Variants in USP31 observed in about 807,000 individuals in gnomAD.
USP31 encodes ubiquitin carboxyl-terminal hydrolase 31.
In USP31, 44 loss-of-function variants were observed where a neutral mutation model predicts 119.4. The ratio of observed to expected loss-of-function variants is 0.37; its 90% CI spans 0.29 to 0.47. The LOEUF (loss-of-function observed/expected upper bound fraction) is 0.47, where lower values mean the gene tolerates loss of function less well. USP31 is among the 20% of genes least tolerant of loss of function. The probability of loss-of-function intolerance (pLI) is 0.99; values close to 1 mark genes in which losing one functional copy is unlikely to be tolerated. For missense variants in USP31, 1,643 were observed against 1,730.2 expected (o/e 0.95, Z 0.89); for synonymous variants, 749 against 705.6 (o/e 1.06, Z -0.97).
At chr16:23,114,452 G>GAA (rs917531470) in intron 1 of USP31, among the ~76,000 whole-genome samples, 20 of 89,986 alleles carry the variant, frequency 2.2e-4, no homozygotes, top group African/African-American at 6.3e-4. Flanking sequence ...GAAAAAATAG[G>GAA]AAAAAAAAAA....
At chr16:23,085,083 A>C (rs1901049289) in intron 10 of USP31, 94 bp from the exon 11 acceptor site, 1 of 1,476,906 alleles carries the variant, frequency 6.8e-7, no homozygotes, top group East Asian at 2.3e-5. Flanking sequence ...ACAAACTCAT[A>C]ACCGAAGGAA....
chr16:23,107,956 T>C (rs1375538444), intron 2 of USP31, 90 bp downstream of exon 2: 5 of 1,426,502 alleles, frequency 3.5e-6, no homozygotes, highest in African/African-American at 2.9e-5. Flanking sequence ...GTCAATTTCA[T>C]TGTATTAACG....
intron 1 of USP31, among the ~76,000 whole-genome samples, chr16:23,134,648 A>G: frequency 6.6e-6 from 1 of 151,050 alleles, no homozygotes; most frequent in East Asian, 1.9e-4. Context: ...AGAGGTAAAT[A>G]TTTTAGAACA....
chr16:23,106,281 A>G lies in USP31; in HGVS notation c.885T>C (p.Cys295=), dbSNP rs1388940107. 1 of 1,614,114 alleles carries G rather than the reference A, an allele frequency of 6.2e-7. No individual in the cohort carries two copies. The highest frequency in any genetic ancestry group is 1.3e-5 in the African/African-American group (1 of 74,934). ...GATCAAAAGTGTTGCTCTGTTTCTG[A>G]CAATGAGGACACGTCAAAGAAGATC... ...QYRSSLTCPH[C]QKQSNTFDPF... Residue 295 remains cysteine, a synonymous_variant, in exon 4 of 16, where the codon TGT becomes TGC. Coordinates refer to ENST00000219689, the MANE Select transcript of USP31 (RefSeq NM_020718.4).
intron 6 of USP31, among the ~76,000 whole-genome samples, chr16:23,101,350 G>A (rs1240760415): frequency 6.6e-6 from 1 of 152,104 alleles, no homozygotes; most frequent in Admixed American, 6.5e-5. Flanking sequence ...AAAAATGCAG[G>A]AGCAACCAAT....
In USP31 at chr16:23,097,756, C is replaced by T. The variant is rs369532902; in HGVS notation, c.1234+4563G>A. On this transcript the variant is annotated intron_variant, in intron 6 of 15. Coordinates refer to ENST00000219689, the MANE Select transcript of USP31 (RefSeq NM_020718.4). ...TTATCTCAATAGATGCAGAAAAGGC[C>T]TTCAACAAAATTCAACAGCCCTTCA... is the stretch of plus-strand genomic sequence containing the variant. Among the ~76,000 whole-genome samples, 3 of 152,296 alleles carry T rather than the reference C, an allele frequency of 2.0e-5. No homozygotes were observed. The East Asian group carries it at 5.8e-4, about 29-fold the overall frequency.
intron 1 of USP31, among the ~76,000 whole-genome samples, chr16:23,124,007 AAAG>A (rs1902766164): frequency 6.6e-6 from 1 of 152,148 alleles, no homozygotes; most frequent in African/African-American, 2.4e-5. Flanking sequence ...TCAAAAAAAA[AAAG>A]AAGAAAAGTA....
In USP31 at chr16:23,074,885, A is replaced by C. The variant is rs370016227; in HGVS notation, c.2177-1005T>G. ...AAGTACATTATGATCACATTTTCTA[A>C]AAATATGCATTTATTTGGGGTGAGA... On this transcript the variant is annotated intron_variant, in intron 13 of 15. Coordinates refer to ENST00000219689, the MANE Select transcript of USP31 (RefSeq NM_020718.4). Among the ~76,000 whole-genome samples the C allele has an allele frequency of 7.2e-4, 110 of 152,354 alleles. 1 individual carries two copies. In the South Asian group the frequency reaches 0.022, roughly 30 times the overall value.
intron 1 of USP31, chr16:23,115,858 C>G (rs1902470268): frequency 1.1e-6 from 1 of 903,486 alleles, no homozygotes. Context: ...GAGTTGGAAA[C>G]ATGGGTCAGA....
chr16:23,102,458 C>A lies in USP31; in HGVS notation c.1095G>T (p.Val365=). ...ACCCATCATAGTACATTTCTGTTAA[C>A]ACAATCTAAAAATAGGAAAAATGTA... is the stretch of plus-strand genomic sequence containing the variant. ...METKIPTDQI[V]LTEMYYDGFH... Residue 365 remains valine, a synonymous_variant, in exon 6 of 16, where the codon GTG becomes GTT. Coordinates refer to ENST00000219689, the MANE Select transcript of USP31 (RefSeq NM_020718.4). 1 of 1,598,180 alleles carries A rather than the reference C, an allele frequency of 6.3e-7. No homozygotes were observed. The highest frequency in any genetic ancestry group is 2.3e-5 in the East Asian group (1 of 44,104).
intron 13 of USP31, among the ~76,000 whole-genome samples, chr16:23,076,509 C>G (rs771473280): frequency 1.3e-5 from 2 of 152,140 alleles, no homozygotes; most frequent in Non-Finnish European, 2.9e-5. Flanking sequence ...TCCTGGCTCA[C>G]TAACATGGTA....
intron 1 of USP31, among the ~76,000 whole-genome samples, chr16:23,115,012 C>G (rs1288766703): frequency 6.6e-6 from 1 of 150,646 alleles, no homozygotes; most frequent in East Asian, 1.9e-4. Flanking sequence ...ATCCTAAGCT[C>G]AAGCTCCGGC....
rs1265936794 is a variant in USP31, at chr16:23,067,950, A to G, written c.*96T>C. 6.8e-7 allele frequency: 1 copy of G among 1,481,022 alleles called. No individual in the cohort carries two copies. Among genetic ancestry groups the G allele is most frequent in the Non-Finnish European group, 9.0e-7 (1 of 1,113,066 alleles). 91.7% of individuals were successfully genotyped at this position (1,481,022 alleles called of 1,614,324 possible). ...ACACAGTCGGGCACGTGACTCAAAA[A>G]AGTACAAAACAAAAGCACAGGAGGC... On this transcript the variant is annotated 3_prime_UTR_variant, in exon 16 of 16. Transcript: ENST00000219689.
In USP31 at chr16:23,068,354, A is replaced by G. The variant is rs1900178188; in HGVS notation, c.3751T>C (p.Ser1251Pro). ...STDLGKTALL[S>P]KKAGGSSVKS... Reference sequence around the variant, plus strand: ...ACAGAGCTCCCACCAGCCTTTTTAGAGAGCAAGGCTGTCTTGCCAAGATCC... The same window carrying G: ...ACAGAGCTCCCACCAGCCTTTTTAGGGAGCAAGGCTGTCTTGCCAAGATCC... The change falls in exon 16 of 16, where the codon TCT becomes CCT. Residue 1251 changes from serine (S) to proline (P), a missense_variant. Physicochemically the swap from Ser to Pro is moderately conservative, Grantham distance 74. Around this residue, in one of 5 missense-constraint regions of USP31, gnomAD observed 699 missense variants for 650.9 expected, o/e 1.07. Coordinates refer to ENST00000219689, the MANE Select transcript of USP31 (RefSeq NM_020718.4). The G allele has an allele frequency of 1.2e-6, 2 of 1,614,064 alleles. No individual in the cohort carries two copies. Among genetic ancestry groups the G allele is most frequent in the East Asian group, 4.5e-5 (2 of 44,886 alleles).
intron 5 of USP31, among the ~76,000 whole-genome samples, chr16:23,104,979 A>C (rs17796975): frequency 0.052 from 7,897 of 152,280 alleles, 310 homozygotes; most frequent in Non-Finnish European, 0.072. Flanking sequence ...CGTAATGAGA[A>C]AACAAAACGT....
intron 1 of USP31, among the ~76,000 whole-genome samples, chr16:23,144,990 G>A (rs956619577): frequency 6.6e-6 from 1 of 152,004 alleles, no homozygotes; most frequent in African/African-American, 2.4e-5. Flanking sequence ...CATAGCTCAC[G>A]AAGCCCTTCA....
At chr16:23,101,254 A>C (rs1019179677) in intron 6 of USP31, among the ~76,000 whole-genome samples, 5 of 152,226 alleles carry the variant, frequency 3.3e-5, no homozygotes, top group African/African-American at 1.2e-4. Flanking sequence ...GTGTGTCAAC[A>C]GCTCTATGAG....
In USP31 at chr16:23,069,667, A is replaced by G. The variant is rs13337382; in HGVS notation, c.2489-51T>C. On this transcript the variant is annotated intron_variant, in intron 15 of 15. Coordinates refer to ENST00000219689, the MANE Select transcript of USP31 (RefSeq NM_020718.4). ...TAAGTTAAGCCAATGAAGACATTCT[A>G]ACAACACTGTAAGACACTGAAGGTG... The G allele has an allele frequency of 2.4e-3, 3,676 of 1,543,822 alleles. 44 individuals are homozygous for G. In the African/African-American group the frequency reaches 0.03, roughly 13 times the overall value.
intron 1 of USP31, among the ~76,000 whole-genome samples, chr16:23,148,115 G>A (rs1903580547): frequency 1.3e-5 from 2 of 152,070 alleles, no homozygotes; most frequent in African/African-American, 2.4e-5. Flanking sequence ...CCCTATAAAA[G>A]TGCCAATCTG....
Sources: gnomAD v4.1 joint callset for allele counts (sites outside exome capture counted in the v4.1 genomes callset) on GRCh38, gnomAD v4.1.1 for gene constraint, gnomAD v4.1.1 regional missense constraint, MANE v1.5 for transcripts, NCBI Gene and HGNC (gene_info 2026-07-23, HGNC 2026-07-21) for gene names.